PIWIL2: variants seen among roughly 807,000 people sequenced by gnomAD.
PIWIL2 encodes piwi like RNA-mediated gene silencing 2.
In PIWIL2, 81 loss-of-function variants were observed where a neutral mutation model predicts 116.5. That is an observed-to-expected ratio of 0.70 (90% CI 0.58 to 0.84). The LOEUF (loss-of-function observed/expected upper bound fraction) is 0.84. Among genes scored for constraint, PIWIL2 ranks in the 40% least tolerant of loss-of-function variants. PIWIL2 has a pLI of 0.00. For synonymous variants in PIWIL2, 489 were observed against 429.5 expected (o/e 1.14, Z -1.71); for missense variants, 1,272 against 1,212.3 (o/e 1.05, Z -0.73).
chr8:22,337,160 C>T (rs995384100), intron 20 of PIWIL2, among the ~76,000 whole-genome samples: 11 of 152,000 alleles, frequency 7.2e-5, no homozygotes, highest in African/African-American at 2.4e-4. Context: ...TACTCTGATA[C>T]CAAAGCCAAA....
At chr8:22,304,248 G>T in intron 11 of PIWIL2, 39 bp downstream of exon 11, 5 of 1,359,126 alleles carry the variant, frequency 3.7e-6, no homozygotes, top group South Asian at 3.7e-5. Flanking sequence ...CAGGGTGGGG[G>T]TTGGATGTAG....
Position 22,316,280 on chromosome 8 carries a change from T to C in PIWIL2, c.2244T>C (p.His748=). The C allele has an allele frequency of 1.2e-6, 2 of 1,613,654 alleles. No homozygotes were observed. The highest frequency in any genetic ancestry group is 1.7e-6 in the Non-Finnish European group (2 of 1,179,562). ...QLMVIGMDVY[H]DPSRGMRSVV... ...TGGTGATCGGGATGGATGTTTACCA[T>C]GACCCCAGTAGAGGCATGCGCTCCG... The change falls in exon 19 of 23, where the codon CAT becomes CAC. Residue 748 remains histidine, a synonymous_variant. Coordinates refer to ENST00000356766, the MANE Select transcript of PIWIL2 (RefSeq NM_018068.5).
chr8:22,308,048 T>A lies in PIWIL2; in HGVS notation c.1661T>A (p.Leu554His). ...AATNELMRWGLRLQKDVHKIE... is the reference protein window; with the variant it reads ...AATNELMRWGHRLQKDVHKIE... ...ACCAATGAACTGATGCGTTGGGGGC[T>A]CCGTCTGCAAAAGGATGTACATAAG... The change falls in exon 14 of 23, where the codon CTC (leucine) becomes CAC (histidine). Residue 554 changes from leucine (L) to histidine (H), a missense_variant. Leu to His is a moderately conservative substitution (Grantham distance 99, BLOSUM62 -3). Coordinates refer to ENST00000356766, the MANE Select transcript of PIWIL2 (RefSeq NM_018068.5). 6.2e-7 allele frequency: 1 copy of A among 1,613,850 alleles called. No homozygotes were observed. The highest frequency in any genetic ancestry group is 8.5e-7 in the Non-Finnish European group (1 of 1,179,884).
At chr8:22,301,751 T>C in intron 10 of PIWIL2, among the ~76,000 whole-genome samples, 1 of 152,196 alleles carries the variant, frequency 6.6e-6, no homozygotes, top group Non-Finnish European at 1.5e-5. Context: ...TTTATAGTTT[T>C]GACTCATATT....
In PIWIL2 at chr8:22,355,462, A is replaced by G. The variant is rs2132118933; in HGVS notation, c.2879A>G (p.His960Arg). 2 of 1,614,186 alleles carry G rather than the reference A, an allele frequency of 1.2e-6. No individual in the cohort carries two copies. Among genetic ancestry groups the G allele is most frequent in the African/African-American group, 2.7e-5 (2 of 75,052 alleles). Residue 960 changes from histidine to arginine, a missense_variant, in exon 23 of 23, where the codon CAT (histidine) becomes CGT (arginine). Physicochemically the swap from His to Arg is conservative, Grantham distance 29. Coordinates refer to ENST00000356766, the MANE Select transcript of PIWIL2 (RefSeq NM_018068.5). ...TTCCTGTCAGGACACATCTTGCATC[A>G]TGAACCAGCCATCCAGCTGTGCGAG... Reference protein sequence around the residue: ...LAFLSGHILHHEPAIQLCENL... With the variant: ...LAFLSGHILHREPAIQLCENL...
chr8:22,331,564 A>G (rs1478474217), intron 20 of PIWIL2, among the ~76,000 whole-genome samples: 2 of 152,162 alleles, frequency 1.3e-5, no homozygotes, highest in African/African-American at 4.8e-5. Flanking sequence ...ATTAGAAAGC[A>G]TGAAAAAAAT....
intron 4 of PIWIL2, among the ~76,000 whole-genome samples, chr8:22,282,676 G>A (rs1300767795): frequency 6.6e-6 from 1 of 151,290 alleles, no homozygotes; most frequent in Non-Finnish European, 1.5e-5. Context: ...CTGCAGCCTC[G>A]ACCTCCCAGG....
chr8:22,337,000 A>G (rs746407205), intron 20 of PIWIL2, among the ~76,000 whole-genome samples: 1 of 152,220 alleles, frequency 6.6e-6, no homozygotes, highest in Middle Eastern at 3.2e-3. Context: ...GATGCCCTAA[A>G]TGGACACATC....
chr8:22,295,066 G>A (rs1221395252), intron 10 of PIWIL2, among the ~76,000 whole-genome samples: 5 of 151,908 alleles, frequency 3.3e-5, no homozygotes, highest in Non-Finnish European at 4.4e-5. Flanking sequence ...GCAACAGAGC[G>A]AGACTTCGTC....
intron 17 of PIWIL2, 51 bp from the exon 18 acceptor site, chr8:22,314,978 A>G (rs756630603): frequency 1.1e-6 from 1 of 909,910 alleles, no homozygotes; most frequent in Non-Finnish European, 1.8e-6. Flanking sequence ...ATTTTCTGAG[A>G]GGTTGATAGT....
intron 10 of PIWIL2, among the ~76,000 whole-genome samples, chr8:22,296,498 T>C (rs1241399451): frequency 2.6e-5 from 4 of 152,220 alleles, no homozygotes; most frequent in African/African-American, 9.6e-5. Context: ...CTTACATGTT[T>C]GAAAAATGTC....
At chr8:22,312,898 C>T (rs888834732) in intron 16 of PIWIL2, among the ~76,000 whole-genome samples, 5 of 152,190 alleles carry the variant, frequency 3.3e-5, no homozygotes, top group African/African-American at 1.2e-4. Flanking sequence ...ACCTCCACCT[C>T]CCAAAGTGCT....
intron 12 of PIWIL2, among the ~76,000 whole-genome samples, chr8:22,305,609 T>A (rs1369211679): frequency 2.0e-5 from 3 of 152,184 alleles, no homozygotes; most frequent in Non-Finnish European, 2.9e-5. Context: ...GGCACACTGC[T>A]TAGCAATAGG....
At position 22,311,249 on chromosome 8, in the gene PIWIL2, T is replaced by C. The variant is rs747542348; in HGVS notation, c.1938T>C (p.Asp646=). 4 of 1,614,086 alleles carry C rather than the reference T, an allele frequency of 2.5e-6. No individual in the cohort carries two copies. The African/African-American group carries it at 5.3e-5, about 22-fold the overall frequency. Residue 646 remains aspartate (D), a synonymous_variant, in exon 16 of 23, where the codon GAT becomes GAC. Transcript: ENST00000356766. Reference sequence around the variant, plus strand: ...CACCGGCCTGGGTTGAACTAAAGGATGACCGAATAGAGACTTATGTCAGAA... The same window carrying C: ...CACCGGCCTGGGTTGAACTAAAGGACGACCGAATAGAGACTTATGTCAGAA... ...MSPPAWVELK[D]DRIETYVRTI...
rs770571154 is a variant in PIWIL2, at chr8:22,353,159, T to C, written c.2604T>C (p.Phe868=). 6 of 1,614,072 alleles carry C rather than the reference T, an allele frequency of 3.7e-6. No homozygotes were observed. Among genetic ancestry groups the C allele is most frequent in the Non-Finnish European group, 4.2e-6 (5 of 1,179,924 alleles). Residue 868 remains phenylalanine, a synonymous_variant, in exon 21 of 23, where the codon TTT becomes TTC. Transcript: ENST00000356766. ...TATATCTGGCTGCTCCTCAGAACTT[T>C]GTAACTCCCACTCCTGGAACTGTGG... ...TNLYLAAPQN[F]VTPTPGTVVD...
At chr8:22,320,534 C>T (rs533457127) in intron 20 of PIWIL2, among the ~76,000 whole-genome samples, 93 of 152,106 alleles carry the variant, frequency 6.1e-4, no homozygotes, top group African/African-American at 2.1e-3. Flanking sequence ...GCCTCAGCCT[C>T]TCAAAGTGCT....
chr8:22,347,519 T>C (rs1431623668), intron 20 of PIWIL2, among the ~76,000 whole-genome samples: 7 of 117,718 alleles, frequency 5.9e-5, no homozygotes, highest in Non-Finnish European at 1.3e-4. Flanking sequence ...GCCTGGCCTT[T>C]TTTTTTTTTT....
At chr8:22,305,331 T>G (rs1429693942) in intron 12 of PIWIL2, among the ~76,000 whole-genome samples, 1 of 152,130 alleles carries the variant, frequency 6.6e-6, no homozygotes, top group Non-Finnish European at 1.5e-5. Context: ...TAGCTGGGAC[T>G]ACAGGAGCCC....
intron 7 of PIWIL2, among the ~76,000 whole-genome samples, chr8:22,288,209 A>C (rs957646464): frequency 6.6e-6 from 1 of 151,120 alleles, no homozygotes; most frequent in African/African-American, 2.4e-5. Flanking sequence ...GAGGCAGGAG[A>C]ATGGCGTCAA....
Sources: allele counts gnomAD v4.1 joint callset (sites outside exome capture counted in the v4.1 genomes callset), GRCh38; gene constraint gnomAD v4.1.1; transcripts MANE v1.5; gene names NCBI Gene and HGNC (gene_info 2026-07-23, HGNC 2026-07-21).